The following MTM1 variants were observed in gnomAD, a reference collection of about 807,000 sequenced individuals.
The protein encoded by MTM1 is myotubularin 1, also known as myotubularin.
MTM1 carries 9 observed loss-of-function variants against 52.1 expected under a neutral mutation model. The ratio of observed to expected loss-of-function variants is 0.17; its 90% confidence interval spans 0.10 to 0.30. The LOEUF is 0.30. Among genes scored for constraint, MTM1 ranks in the 10% least tolerant of loss-of-function variants. The probability of loss-of-function intolerance (pLI) is 1.00; values close to 1 mark genes in which losing one functional copy is unlikely to be tolerated. For synonymous variants in MTM1, 136 were observed against 163.8 expected, an observed-to-expected ratio of 0.83 and a Z score of 1.29; for missense variants, 277 against 470.7, an observed-to-expected ratio of 0.59 and a Z score of 3.81.
At chrX:150,567,884 G>T (rs1300623187), upstream of MTM1, among the ~76,000 whole-genome samples, 2 of 112,384 alleles carry the variant, frequency 1.8e-5, no homozygotes, top group African/African-American at 6.5e-5. Flanking sequence ...ATTACACAAT[G>T]AATTCTCTTC....
chrX:150,576,645 T>TC (rs1427425115), intron 1 of MTM1, among the ~76,000 whole-genome samples: 2 of 111,599 alleles, frequency 1.8e-5, no homozygotes, highest in African/African-American at 3.3e-5. Flanking sequence ...TCTGTTTCTT[T>TC]CCCCCCCGTA....
At chrX:150,634,063 GGT>G (rs1206135701) in intron 6 of MTM1, among the ~76,000 whole-genome samples, 1 of 112,379 alleles carries the variant, frequency 8.9e-6, no homozygotes, top group Non-Finnish European at 1.9e-5. Context: ...GTTAGTAAGT[GGT>G]TCCCTGAAGT....
intron 2 of MTM1, among the ~76,000 whole-genome samples, chrX:150,594,897 A>G (rs1184962395): frequency 2.7e-5 from 3 of 111,501 alleles, no homozygotes; most frequent in East Asian, 2.8e-4. Flanking sequence ...CTCTCTTACA[A>G]TTTATATAAG....
chrX:150,653,291 C>T (rs2040058380), intron 10 of MTM1, among the ~76,000 whole-genome samples: 1 of 111,451 alleles, frequency 9.0e-6, no homozygotes, highest in African/African-American at 3.3e-5. Flanking sequence ...CCTCTTCCAG[C>T]TTCTTGTAGG....
chrX:150,665,024 A>C (rs1285834568), intron 14 of MTM1, among the ~76,000 whole-genome samples: 2 of 112,194 alleles, frequency 1.8e-5, no homozygotes, highest in African/African-American at 6.5e-5. Flanking sequence ...AGAACTTCTT[A>C]GAATGTATTT....
At chrX:150,599,032 TAAAAATA>T (rs781984824) in intron 4 of MTM1, among the ~76,000 whole-genome samples, 3,175 of 111,946 alleles carry the variant, frequency 0.028, 51 homozygotes, top group South Asian at 0.064. Flanking sequence ...CCATAAAAGT[TAAAAATA>T]AAAAAATACA....
Position 150,663,594 on chromosome X carries a change from C to T in MTM1, c.1629C>T (p.Pro543=), listed in dbSNP as rs781856935. The stretch of plus-strand genomic sequence containing the variant: ...TGAATTACTACATTAGATGGAACCC[C>T]AGGATCAAGCAACAAGTAAGTGAAG... The part of the protein sequence containing the change: ...LWVNYYIRWN[P]RIKQQQPNPV... The change falls in exon 14 of 15, where the codon CCC becomes CCT. Residue 543 remains proline, a synonymous_variant. Transcript: ENST00000370396. 6 of 1,207,488 alleles carry T rather than the reference C, an allele frequency of 5.0e-6. No homozygotes were observed. In the African/African-American group the frequency reaches 1.1e-4, roughly 21 times the overall value.
Position 150,645,799 on chromosome X carries a change from G to A in MTM1, c.795G>A (p.Arg265=). The change falls in exon 9 of 15, where the codon AGG becomes AGA. Residue 265 remains arginine, a synonymous_variant. Coordinates refer to ENST00000370396, the MANE Select transcript of MTM1 (RefSeq NM_000252.3). ...KDDEKYLDVI[R]ETNKQISKLT... ...ATGAGAAATATCTCGATGTTATCAG[G>A]GAGACTAATAAACAAATTTCTAAAC... 8.3e-7 allele frequency: 1 copy of A among 1,210,202 alleles called. No individual in the cohort carries two copies. The highest frequency in any genetic ancestry group is 1.1e-6 in the Non-Finnish European group (1 of 894,280).
intron 7 of MTM1, among the ~76,000 whole-genome samples, chrX:150,641,006 GGAAGAC>G (rs2039838576): frequency 8.9e-6 from 1 of 111,887 alleles, no homozygotes; most frequent in Admixed American, 9.5e-5. Flanking sequence ...ACAAAATAAA[GGAAGAC>G]GAATTCCTTT....
At position 150,644,387 on chromosome X, in the gene MTM1, A is replaced by G. The variant is rs182558999; in HGVS notation, c.679-1296A>G. On this transcript the variant is annotated intron_variant, in intron 8 of 14. Coordinates refer to ENST00000370396, the MANE Select transcript of MTM1 (RefSeq NM_000252.3). ...CTGAGCCTTTGGACTCTTATTAGGC[A>G]GGGGCTACAATGGTGTTTTTAATTG... 1.8e-3 allele frequency among the ~76,000 whole-genome samples: 202 copies of G among 111,295 alleles called. 1 individual carries two copies. The highest frequency in any genetic ancestry group is 6.3e-3 in the African/African-American group (192 of 30,664).
rs782748077 is a variant in MTM1, at chrX:150,640,120, T to A, written c.528+1094T>A. ...TTAATGGCCTCAGTTCTGGACTAGC[T>A]ACTGAGGCGGAAGAAGGACCATGAA... On this transcript the variant is annotated intron_variant, in intron 7 of 14. Coordinates refer to ENST00000370396, the MANE Select transcript of MTM1 (RefSeq NM_000252.3). Among the ~76,000 whole-genome samples, 11 of 111,908 alleles carry A rather than the reference T, an allele frequency of 9.8e-5. No homozygotes were observed. The East Asian group carries it at 3.1e-3, about 31-fold the overall frequency.
At chrX:150,601,873 C>T (rs1784590174) in intron 4 of MTM1, among the ~76,000 whole-genome samples, 1 of 112,283 alleles carries the variant, frequency 8.9e-6, no homozygotes, top group Non-Finnish European at 1.9e-5. Context: ...TGACTCACAT[C>T]ACTTCTTCCC....
chrX:150,566,931 T>G (rs2038270337), upstream of MTM1, among the ~76,000 whole-genome samples: 1 of 111,682 alleles, frequency 9.0e-6, no homozygotes, highest in African/African-American at 3.3e-5. Flanking sequence ...GCTTTGAAAT[T>G]CAGCACAAAA....
At chrX:150,592,549 T>C in intron 1 of MTM1, 56 bp from the exon 2 acceptor site, 3 of 911,822 alleles carry the variant, frequency 3.3e-6, no homozygotes, top group Non-Finnish European at 4.8e-6. Context: ...AGATGTCACA[T>C]ATGTTTGAAA....
chrX:150,575,167 A>G (rs1313889627), intron 1 of MTM1, among the ~76,000 whole-genome samples: 1 of 112,169 alleles, frequency 8.9e-6, no homozygotes, highest in Non-Finnish European at 1.9e-5. Context: ...ACTTCAAAGA[A>G]CTCGAGGAAT....
At chrX:150,620,132 G>A (rs2039452400) in intron 6 of MTM1, among the ~76,000 whole-genome samples, 1 of 112,046 alleles carries the variant, frequency 8.9e-6, no homozygotes, top group Non-Finnish European at 1.9e-5. Flanking sequence ...TATTATGAAA[G>A]TGAGAATGTG....
intron 1 of MTM1, among the ~76,000 whole-genome samples, chrX:150,584,566 A>G (rs1557412168): frequency 9.0e-6 from 1 of 111,414 alleles, no homozygotes; most frequent in African/African-American, 3.3e-5. Context: ...TGAGTACCCA[A>G]ACTGTGCTTT....
intron 8 of MTM1, among the ~76,000 whole-genome samples, chrX:150,644,660 T>A (rs1557413931): frequency 1.8e-5 from 2 of 111,662 alleles, no homozygotes; most frequent in Non-Finnish European, 3.8e-5. Flanking sequence ...TAACTGACTT[T>A]CCTGGCTGCT....
At chrX:150,601,469 T>C (rs2039066344) in intron 4 of MTM1, among the ~76,000 whole-genome samples, 1 of 112,586 alleles carries the variant, frequency 8.9e-6, no homozygotes, top group African/African-American at 3.2e-5. Flanking sequence ...AAAGCTGTCA[T>C]CTCACTGGCG....
Sources: gnomAD v4.1 joint callset for allele counts (sites outside exome capture counted in the v4.1 genomes callset) on GRCh38, gnomAD v4.1.1 for gene constraint, MANE v1.5 for transcripts, NCBI Gene and HGNC (gene_info 2026-07-23, HGNC 2026-07-21) for gene names.